Variants in ANKIB1 observed in about 807,000 individuals in gnomAD.
The protein encoded by ANKIB1 is ankyrin repeat and IBR domain containing 1.
Under a neutral mutation model 122.1 loss-of-function variants are expected in ANKIB1, and 43 were observed. The observed-to-expected ratio is 0.35, with a 90% CI of 0.28 to 0.45. The LOEUF (loss-of-function observed/expected upper bound fraction) is 0.45. ANKIB1 is among the 20% of genes least tolerant of loss of function. The pLI is 1.00. For missense variants in ANKIB1, 992 were observed against 1,329.5 expected (o/e 0.75, Z 3.95); for synonymous variants, 390 against 442.0 (o/e 0.88, Z 1.48).
intron 9 of ANKIB1, among the ~76,000 whole-genome samples, chr7:92,359,221 A>T (rs911003442): frequency 2.6e-5 from 4 of 152,146 alleles, no homozygotes; most frequent in South Asian, 2.1e-4. Context: ...TCCCTCTCCT[A>T]GCCCCCCATC....
chr7:92,373,711 A>G (rs1804322026), intron 11 of ANKIB1, among the ~76,000 whole-genome samples: 1 of 152,334 alleles, frequency 6.6e-6, no homozygotes, highest in Middle Eastern at 3.4e-3. Context: ...ATGCACTGAC[A>G]TAATTGGTAA....
intron 1 of ANKIB1, among the ~76,000 whole-genome samples, chr7:92,291,571 T>TTC (rs1016652798): frequency 8.9e-5 from 13 of 145,642 alleles, no homozygotes; most frequent in South Asian, 4.4e-4. Context: ...CTTTTTCTTT[T>TTC]TTTTTTTTTT....
intron 2 of ANKIB1, among the ~76,000 whole-genome samples, chr7:92,299,592 ATACAT>A (rs1325051514): frequency 3.9e-5 from 6 of 152,204 alleles, no homozygotes; most frequent in African/African-American, 1.4e-4. Context: ...AATCAAAACA[ATACAT>A]TACAACAGAT....
chr7:92,399,405 A>G lies in ANKIB1; in HGVS notation c.*456A>G, dbSNP rs1057384320. 2.6e-5 allele frequency: 4 copies of G among 152,220 alleles called. No individual in the cohort carries two copies. Among genetic ancestry groups the G allele is most frequent in the African/African-American group, 9.7e-5 (4 of 41,414 alleles). 9.4% of individuals were successfully genotyped at this position (152,220 alleles called of 1,614,324 possible). ...AAATCCGATAACATATATGTCCTCA[A>G]TCTCTTTGTGCTCTTCCATAACTTA... On this transcript the variant is annotated 3_prime_UTR_variant, in exon 20 of 20. Transcript: ENST00000265742.
At chr7:92,385,863 T>C (rs905195537) in intron 11 of ANKIB1, among the ~76,000 whole-genome samples, 1 of 152,184 alleles carries the variant, frequency 6.6e-6, no homozygotes, top group Admixed American at 6.5e-5. Flanking sequence ...ACATGTACCC[T>C]AGAACTTAAT....
chr7:92,285,108 C>A (rs922376458), intron 1 of ANKIB1, among the ~76,000 whole-genome samples: 1 of 152,114 alleles, frequency 6.6e-6, no homozygotes, highest in African/African-American at 2.4e-5. Context: ...TGCTCTGTTG[C>A]CCAGGCTGGA....
intron 1 of ANKIB1, among the ~76,000 whole-genome samples, chr7:92,262,660 C>T (rs1801589701): frequency 6.6e-6 from 1 of 152,170 alleles, no homozygotes; most frequent in African/African-American, 2.4e-5. Context: ...TATGTTGACA[C>T]TGATTAATTC....
chr7:92,360,679 C>T (rs147906356), intron 9 of ANKIB1, among the ~76,000 whole-genome samples: 1 of 152,278 alleles, frequency 6.6e-6, no homozygotes, highest in African/African-American at 2.4e-5. Context: ...GCAACTGCAT[C>T]AGCATTTACA....
chr7:92,284,457 G>C (rs1247844259), intron 1 of ANKIB1, among the ~76,000 whole-genome samples: 3 of 152,240 alleles, frequency 2.0e-5, no homozygotes, highest in Admixed American at 6.5e-5. Flanking sequence ...TCATCTTACT[G>C]TAATACTTTC....
chr7:92,351,129 A>G (rs757365037), intron 8 of ANKIB1, 35 bp downstream of exon 8: 117 of 1,419,704 alleles, frequency 8.2e-5, no homozygotes, highest in Non-Finnish European at 1.0e-4. Flanking sequence ...TCCAATTTCC[A>G]TAATTTTGAT....
intron 1 of ANKIB1, among the ~76,000 whole-genome samples, chr7:92,275,979 C>T (rs143602815): frequency 2.3e-4 from 35 of 152,258 alleles, no homozygotes; most frequent in African/African-American, 7.7e-4. Flanking sequence ...ACCTTATATA[C>T]ACATACACAT....
chr7:92,350,812 G>A lies in ANKIB1; in HGVS notation c.1086-138G>A, dbSNP rs1179580061. The A allele has an allele frequency of 2.8e-5, 21 of 755,986 alleles. No homozygotes were observed. In the East Asian group the frequency reaches 3.3e-4, roughly 12 times the overall value. 46.8% of individuals were successfully genotyped at this position (755,986 alleles called of 1,614,324 possible). On this transcript the variant is annotated intron_variant, in intron 7 of 19. Coordinates refer to ENST00000265742, the MANE Select transcript of ANKIB1 (RefSeq NM_019004.2). ...TATGAGGCTACAGTGATCTGTGATC[G>A]TGCCACTGCACTCCAACCTGAGTGA... is the stretch of plus-strand genomic sequence containing the variant.
At chr7:92,269,420 A>T (rs1205009434) in intron 1 of ANKIB1, among the ~76,000 whole-genome samples, 4 of 152,238 alleles carry the variant, frequency 2.6e-5, no homozygotes, top group African/African-American at 9.6e-5. Flanking sequence ...TTTCAAGAGA[A>T]GGGAAGTAGA....
At chr7:92,269,584 A>G (rs1283253771) in intron 1 of ANKIB1, among the ~76,000 whole-genome samples, 1 of 152,206 alleles carries the variant, frequency 6.6e-6, no homozygotes, top group Non-Finnish European at 1.5e-5. Flanking sequence ...AACATTTTAT[A>G]GGGACCTGTT....
intron 14 of ANKIB1, among the ~76,000 whole-genome samples, chr7:92,389,282 C>A (rs537257154): frequency 6.6e-6 from 1 of 151,942 alleles, no homozygotes; most frequent in East Asian, 1.9e-4. Flanking sequence ...ATCTGAGTTT[C>A]TGCAGTATTT....
intron 10 of ANKIB1, among the ~76,000 whole-genome samples, chr7:92,371,000 A>G (rs1316558675): frequency 6.6e-6 from 1 of 152,248 alleles, no homozygotes; most frequent in Non-Finnish European, 1.5e-5. Context: ...TTTTAAGCTT[A>G]TCCAGAATAA....
intron 10 of ANKIB1, among the ~76,000 whole-genome samples, chr7:92,370,874 A>G (rs532359829): frequency 1.4e-4 from 21 of 152,298 alleles, no homozygotes; most frequent in Admixed American, 1.4e-3. Flanking sequence ...GGCAAGAGGT[A>G]TGAAGGACCC....
intron 1 of ANKIB1, among the ~76,000 whole-genome samples, chr7:92,291,428 A>G (rs1158758051): frequency 2.0e-5 from 3 of 152,164 alleles, no homozygotes; most frequent in Admixed American, 6.5e-5. Context: ...TGTACTCCCT[A>G]AATATATACA....
Position 92,346,416 on chromosome 7 carries a change from C to CA in ANKIB1, c.1085+1351dup, listed in dbSNP as rs542376393. On this transcript the variant is annotated intron_variant, in intron 7 of 19. Transcript: ENST00000265742. The stretch of plus-strand genomic sequence containing the variant: ...AACGTGTCTGGTTTGATTTTGAGTA[C>CA]ATTTCTTTATCTGTTTTCCAAATTG... Among the ~76,000 whole-genome samples the CA allele has an allele frequency of 2.2e-3, 336 of 152,228 alleles. 1 individual carries two copies. Among genetic ancestry groups the CA allele is most frequent in the Non-Finnish European group, 2.0e-3 (138 of 68,020 alleles).
Sources: gnomAD v4.1 joint callset for allele counts (sites outside exome capture counted in the v4.1 genomes callset) on GRCh38, gnomAD v4.1.1 for gene constraint, MANE v1.5 for transcripts, NCBI Gene and HGNC (gene_info 2026-07-23, HGNC 2026-07-21) for gene names.